SLC24A2: variants seen among roughly 807,000 people sequenced by gnomAD.
SLC24A2 encodes the protein sodium/potassium/calcium exchanger 2.
A neutral mutation model predicts 62.0 loss-of-function variants in SLC24A2; 36 were observed. The observed-to-expected ratio is 0.58, with a 90% CI of 0.44 to 0.77. The LOEUF (loss-of-function observed/expected upper bound fraction) is 0.77, where lower values mean the gene tolerates loss of function less well. Ranked by LOEUF, SLC24A2 falls within the 30% of genes least tolerant of loss-of-function variation. The pLI, the probability that SLC24A2 is intolerant of heterozygous loss-of-function variation, is 0.00. For missense variants in SLC24A2, 846 were observed against 817.9 expected (o/e 1.03, Z -0.42); for synonymous variants, 358 against 294.0 (o/e 1.22, Z -2.23).
At chr9:19,819,995 A>ATG in the SLC24A2 span, among the ~76,000 whole-genome samples, 15 of 135,282 alleles carry the variant, frequency 1.1e-4, no homozygotes, top group Admixed American at 1.1e-3. Flanking sequence ...AAACTGCAGT[A>ATG]TATATATATA....
chr9:19,733,684 T>C (rs551513758), intron 2 of SLC24A2, among the ~76,000 whole-genome samples: 4 of 152,328 alleles, frequency 2.6e-5, no homozygotes, highest in Non-Finnish European at 5.9e-5. Context: ...ATAATCTTAC[T>C]TGTGGTTTGC....
At chr9:19,714,520 T>G (rs1322680072) in intron 2 of SLC24A2, among the ~76,000 whole-genome samples, 1 of 152,258 alleles carries the variant, frequency 6.6e-6, no homozygotes, top group Admixed American at 6.5e-5. Context: ...CCTCTAAACC[T>G]TGTTTGTGAT....
the SLC24A2 span, among the ~76,000 whole-genome samples, chr9:20,104,634 C>T: frequency 1.2e-3 from 177 of 152,254 alleles, no homozygotes; most frequent in Admixed American, 2.2e-3. Flanking sequence ...AAATACTTTA[C>T]AGACAAGCAA....
At chr9:20,151,427 A>G in the SLC24A2 span, among the ~76,000 whole-genome samples, 1,710 of 151,944 alleles carry the variant, frequency 0.011, 33 homozygotes, top group African/African-American at 0.04. Context: ...CTGTTCAGGT[A>G]TTTAGTGCAT....
At chr9:19,641,900 C>T (rs1162853174) in intron 2 of SLC24A2, among the ~76,000 whole-genome samples, 1 of 152,156 alleles carries the variant, frequency 6.6e-6, no homozygotes, top group Non-Finnish European at 1.5e-5. Flanking sequence ...TCTCCCACAT[C>T]CAATCCACCA....
At chr9:19,826,398 T>G in the SLC24A2 span, among the ~76,000 whole-genome samples, 1 of 151,996 alleles carries the variant, frequency 6.6e-6, no homozygotes, top group African/African-American at 2.4e-5. Flanking sequence ...TTCTGGGACT[T>G]GAGGTATTTG....
chr9:20,276,718 C>T, the SLC24A2 span, among the ~76,000 whole-genome samples: 1 of 152,262 alleles, frequency 6.6e-6, no homozygotes, highest in Non-Finnish European at 1.5e-5. Flanking sequence ...GCCTAGACAT[C>T]CAGGTATTTC....
chr9:19,676,417 C>T (rs927138298), intron 2 of SLC24A2, among the ~76,000 whole-genome samples: 4 of 152,196 alleles, frequency 2.6e-5, no homozygotes, highest in African/African-American at 9.6e-5. Context: ...CCTCCCCATG[C>T]CGTTGCCAGA....
chr9:19,644,050 T>G (rs1386582070), intron 2 of SLC24A2, among the ~76,000 whole-genome samples: 1 of 152,250 alleles, frequency 6.6e-6, no homozygotes, highest in Admixed American at 6.5e-5. Context: ...ATTTCACAAC[T>G]AAAGACATTC....
the SLC24A2 span, among the ~76,000 whole-genome samples, chr9:19,920,444 G>A: frequency 6.6e-6 from 1 of 152,152 alleles, no homozygotes; most frequent in African/African-American, 2.4e-5. Flanking sequence ...CCTGAGACAA[G>A]GATTTGAGTT....
At chr9:20,082,332 C>T in the SLC24A2 span, among the ~76,000 whole-genome samples, 7 of 152,306 alleles carry the variant, frequency 4.6e-5, no homozygotes, top group African/African-American at 1.7e-4. Context: ...AGGTCCTTAT[C>T]TTCTTTGGCT....
At chr9:20,101,116 G>C in the SLC24A2 span, among the ~76,000 whole-genome samples, 1 of 152,080 alleles carries the variant, frequency 6.6e-6, no homozygotes. Flanking sequence ...TCAGAAATGT[G>C]GTTTTAAATA....
chr9:19,774,657 C>T (rs1822791158), intron 2 of SLC24A2, among the ~76,000 whole-genome samples: 1 of 152,138 alleles, frequency 6.6e-6, no homozygotes, highest in African/African-American at 2.4e-5. Flanking sequence ...GTATTTCTAC[C>T]TACACCCTGC....
the SLC24A2 span, among the ~76,000 whole-genome samples, chr9:19,858,133 C>A: frequency 6.6e-6 from 1 of 152,130 alleles, no homozygotes; most frequent in African/African-American, 2.4e-5. Context: ...ATCAAAACAG[C>A]ATGTTACTGG....
chr9:20,090,096 C>A, the SLC24A2 span, among the ~76,000 whole-genome samples: 1 of 152,154 alleles, frequency 6.6e-6, no homozygotes, highest in Non-Finnish European at 1.5e-5. Context: ...CAAGCAGCAG[C>A]TGACCCAAGG....
At chr9:20,041,153 C>CGTGCGCGCGTGCGCACGT in the SLC24A2 span, among the ~76,000 whole-genome samples, 2 of 151,878 alleles carry the variant, frequency 1.3e-5, no homozygotes, top group Admixed American at 6.6e-5. Context: ...TGTGTGTACG[C>CGTGCGCGCGTGCGCACGT]GTGCGCGCGT....
At chr9:19,850,932 C>CATATATATATATATACGTATATATAT in the SLC24A2 span, among the ~76,000 whole-genome samples, 1 of 48,808 alleles carries the variant, frequency 2.0e-5, no homozygotes, top group African/African-American at 6.4e-5. Context: ...CTCATGTGGG[C>CATATATATATATATACGTATATATAT]ATATATATAT....
chr9:19,851,542 T>C, the SLC24A2 span, among the ~76,000 whole-genome samples: 1 of 152,122 alleles, frequency 6.6e-6, no homozygotes, highest in Admixed American at 6.5e-5. Context: ...TGTGTTCTCA[T>C]TGTTCAGCTC....
chr9:20,125,117 A>T, the SLC24A2 span, among the ~76,000 whole-genome samples: 1 of 152,204 alleles, frequency 6.6e-6, no homozygotes, highest in Non-Finnish European at 1.5e-5. Flanking sequence ...AGTTCATAAG[A>T]GTTCCTTTAA....
Sources: gnomAD v4.1 joint callset for allele counts (sites outside exome capture counted in the v4.1 genomes callset) on GRCh38, gnomAD v4.1.1 for gene constraint, MANE v1.5 for transcripts, NCBI Gene and HGNC (gene_info 2026-07-23, HGNC 2026-07-21) for gene names.